LGSN: variants seen among roughly 807,000 people sequenced by gnomAD.
LGSN encodes the protein lengsin.
A neutral mutation model predicts 19.5 loss-of-function variants in LGSN; 21 were observed. The observed-to-expected ratio is 1.07, with a 90% CI of 0.76 to 1.55. The LOEUF (loss-of-function observed/expected upper bound fraction) is 1.55. LGSN is among the 40% of genes most tolerant of loss of function. LGSN has a pLI of 0.00. For missense variants in LGSN, 673 were observed against 608.5 expected (o/e 1.11, Z -1.12); for synonymous variants, 257 against 215.6 (o/e 1.19, Z -1.68).
At chr6:63,472,936 G>C in the LGSN span, among the ~76,000 whole-genome samples, 10 of 151,586 alleles carry the variant, frequency 6.6e-5, no homozygotes, top group Non-Finnish European at 1.3e-4. Flanking sequence ...GCGAGACTCT[G>C]TCTCAAAAAA....
chr6:63,375,567 A>T, the LGSN span, among the ~76,000 whole-genome samples: 1 of 152,142 alleles, frequency 6.6e-6, no homozygotes, highest in African/African-American at 2.4e-5. Context: ...ATTTATGTGG[A>T]TATGTATATA....
At chr6:63,426,502 G>GATTTATTTATTT in the LGSN span, among the ~76,000 whole-genome samples, 63 of 151,856 alleles carry the variant, frequency 4.1e-4, no homozygotes, top group African/African-American at 1.5e-3. Context: ...AAGTTATTTA[G>GATTTATTTATTT]ATTTATTTAT....
chr6:63,311,555 C>T (rs1216146803), intron 1 of LGSN, among the ~76,000 whole-genome samples: 1 of 152,186 alleles, frequency 6.6e-6, no homozygotes, highest in African/African-American at 2.4e-5. Context: ...ACCATTCTTC[C>T]ACCCCAGCTT....
chr6:63,337,627 C>T, the LGSN span, among the ~76,000 whole-genome samples: 1 of 151,572 alleles, frequency 6.6e-6, no homozygotes, highest in African/African-American at 2.4e-5. Context: ...CATGGCCAAA[C>T]TACATCTCTA....
the LGSN span, among the ~76,000 whole-genome samples, chr6:63,483,538 T>G: frequency 1.3e-5 from 2 of 151,836 alleles, no homozygotes; most frequent in African/African-American, 2.4e-5. Flanking sequence ...GCTAATTTTT[T>G]TGTGTGTTTT....
At chr6:63,322,704 A>T (rs1272323304), upstream of LGSN, among the ~76,000 whole-genome samples, 1 of 152,162 alleles carries the variant, frequency 6.6e-6, no homozygotes, top group East Asian at 1.9e-4. Context: ...TCCAGTCCCC[A>T]TTTCTTTTCA....
At chr6:63,408,855 C>CA in the LGSN span, among the ~76,000 whole-genome samples, 2 of 151,762 alleles carry the variant, frequency 1.3e-5, no homozygotes, top group Admixed American at 6.6e-5. Flanking sequence ...ACAACCCCAT[C>CA]AAAAAAAAGT....
In LGSN at chr6:63,277,444, A is replaced by G. The variant is rs1257301800; in HGVS notation, c.*2577T>C. The G allele has an allele frequency of 1.3e-5, 2 of 152,078 alleles. No homozygotes were observed. The highest frequency in any genetic ancestry group is 4.8e-5 in the African/African-American group (2 of 41,410). The allele number at this position is 152,078 out of a possible 1,614,324, so 9.4% of individuals were successfully genotyped here. Reference sequence around the variant, plus strand: ...TTATACCTTTGTTCTTTCATCCCCAAATCCCTCAAATTCCCCACTCATATG... The same window carrying G: ...TTATACCTTTGTTCTTTCATCCCCAGATCCCTCAAATTCCCCACTCATATG... On this transcript the variant is annotated 3_prime_UTR_variant, in exon 4 of 4. Coordinates refer to ENST00000370657, the MANE Select transcript of LGSN (RefSeq NM_016571.3).
the LGSN span, among the ~76,000 whole-genome samples, chr6:63,449,956 G>C: frequency 6.6e-6 from 1 of 152,086 alleles, no homozygotes; most frequent in Non-Finnish European, 1.5e-5. Context: ...GTGAGACATG[G>C]AGAAGCATGT....
the LGSN span, among the ~76,000 whole-genome samples, chr6:63,419,439 C>A: frequency 1.3e-5 from 2 of 152,178 alleles, no homozygotes; most frequent in Non-Finnish European, 2.9e-5. Flanking sequence ...AACCAATACA[C>A]TGCAAACTCT....
chr6:63,409,653 A>G, the LGSN span, among the ~76,000 whole-genome samples: 1 of 152,216 alleles, frequency 6.6e-6, no homozygotes, highest in African/African-American at 2.4e-5. Context: ...TGGGATAATA[A>G]TACTTAATAG....
At chr6:63,365,597 A>T in the LGSN span, among the ~76,000 whole-genome samples, 2 of 145,018 alleles carry the variant, frequency 1.4e-5, no homozygotes. Flanking sequence ...TGAGGCCAGC[A>T]TCATCCTGAT....
intron 1 of LGSN, among the ~76,000 whole-genome samples, chr6:63,315,156 G>A (rs1768789928): frequency 6.6e-6 from 1 of 152,150 alleles, no homozygotes; most frequent in Non-Finnish European, 1.5e-5. Context: ...GCATAAAGTA[G>A]TAATTGAGTA....
chr6:63,409,639 A>T, the LGSN span, among the ~76,000 whole-genome samples: 1 of 152,210 alleles, frequency 6.6e-6, no homozygotes, highest in Non-Finnish European at 1.5e-5. Flanking sequence ...TGCATTTATA[A>T]AATTGGGATA....
the LGSN span, among the ~76,000 whole-genome samples, chr6:63,557,819 T>A: frequency 6.6e-6 from 1 of 152,140 alleles, no homozygotes; most frequent in African/African-American, 2.4e-5. Context: ...AAAGTCAGTG[T>A]AGGATCATTG....
chr6:63,526,833 A>ATATATATATATATATT, the LGSN span, among the ~76,000 whole-genome samples: 32 of 128,018 alleles, frequency 2.5e-4, no homozygotes, highest in African/African-American at 4.8e-4. Flanking sequence ...ATATATATAT[A>ATATATATATATATATT]TATTTATTTA....
chr6:63,491,192 C>A, the LGSN span, among the ~76,000 whole-genome samples: 1 of 152,198 alleles, frequency 6.6e-6, no homozygotes, highest in South Asian at 2.1e-4. Context: ...ATGAGGTGCC[C>A]CTGACTGAAA....
chr6:63,299,487 A>C (rs1768103152), intron 1 of LGSN, among the ~76,000 whole-genome samples: 1 of 152,228 alleles, frequency 6.6e-6, no homozygotes, highest in Non-Finnish European at 1.5e-5. Flanking sequence ...TGCATTTGAG[A>C]GATAAAATTT....
chr6:63,538,329 A>T, the LGSN span, among the ~76,000 whole-genome samples: 1 of 152,242 alleles, frequency 6.6e-6, no homozygotes, highest in African/African-American at 2.4e-5. Flanking sequence ...AAGTTCAGTG[A>T]ACATTGTTAC....
Sources: allele counts gnomAD v4.1 joint callset (sites outside exome capture counted in the v4.1 genomes callset), GRCh38; gene constraint gnomAD v4.1.1; transcripts MANE v1.5; gene names NCBI Gene and HGNC (gene_info 2026-07-23, HGNC 2026-07-21).